RBFOX1: variants seen among roughly 807,000 people sequenced by gnomAD.
RBFOX1 encodes the protein RNA binding protein fox-1 homolog 1.
Under a neutral mutation model 57.7 loss-of-function variants are expected in RBFOX1, and 8 were observed. The observed-to-expected ratio is 0.14, with a 90% CI of 0.08 to 0.25. RBFOX1 has a LOEUF of 0.25. RBFOX1 is among the 10% of genes least tolerant of loss of function. The pLI, the probability that RBFOX1 is intolerant of heterozygous loss-of-function variation, is 1.00. For missense variants in RBFOX1, 611 were observed against 548.5 expected (o/e 1.11, Z -1.14); for synonymous variants, 326 against 222.4 (o/e 1.47, Z -4.15).
At chr16:7,492,476 C>T (rs2067241336) in intron 4 of RBFOX1, among the ~76,000 whole-genome samples, 1 of 152,016 alleles carries the variant, frequency 6.6e-6, no homozygotes, top group Non-Finnish European at 1.5e-5. Context: ...TGTCACCTAC[C>T]CTAGAACTGT....
chr16:5,425,003 CT>C (rs1322286070), intron 1 of RBFOX1, among the ~76,000 whole-genome samples: 11 of 66,676 alleles, frequency 1.6e-4, no homozygotes, highest in South Asian at 5.0e-4. Flanking sequence ...CTTTTCTTTT[CT>C]TTTCTTTTCT....
At chr16:6,398,289 C>T (rs541711560) in intron 2 of RBFOX1, among the ~76,000 whole-genome samples, 12 of 152,210 alleles carry the variant, frequency 7.9e-5, no homozygotes, top group South Asian at 4.1e-4. Context: ...ATAGCCAAAG[C>T]ATATCATTCT....
intron 3 of RBFOX1, among the ~76,000 whole-genome samples, chr16:6,700,472 A>G (rs2061662739): frequency 6.6e-6 from 1 of 152,080 alleles, no homozygotes; most frequent in African/African-American, 2.4e-5. Context: ...AGCCTAGCCA[A>G]CATGGTGAAA....
intron 3 of RBFOX1, among the ~76,000 whole-genome samples, chr16:6,893,538 C>G (rs2066024665): frequency 6.6e-6 from 1 of 152,118 alleles, no homozygotes; most frequent in Non-Finnish European, 1.5e-5. Context: ...AAGTGGAGTT[C>G]TGAATCAAAC....
At chr16:7,673,103 G>A (rs2072097176) in intron 13 of RBFOX1, among the ~76,000 whole-genome samples, 1 of 151,950 alleles carries the variant, frequency 6.6e-6, no homozygotes, top group Non-Finnish European at 1.5e-5. Flanking sequence ...AAGGAAGCAT[G>A]CGTAACACGT....
chr16:7,278,390 T>C (rs898520372), intron 4 of RBFOX1, among the ~76,000 whole-genome samples: 2 of 152,212 alleles, frequency 1.3e-5, no homozygotes, highest in African/African-American at 2.4e-5. Context: ...AAGATTCCTA[T>C]GTATATCTGA....
intron 1 of RBFOX1, among the ~76,000 whole-genome samples, chr16:5,355,402 G>C (rs191725812): frequency 1.3e-5 from 2 of 152,156 alleles, no homozygotes; most frequent in Non-Finnish European, 2.9e-5. Flanking sequence ...TGTCTGCATC[G>C]TGAAGCCTGA....
intron 1 of RBFOX1, among the ~76,000 whole-genome samples, chr16:6,271,647 G>T (rs1424414421): frequency 1.3e-5 from 2 of 152,110 alleles, no homozygotes; most frequent in Non-Finnish European, 1.5e-5. Context: ...ATGTCAAAAA[G>T]GTAGTAAGGG....
intron 4 of RBFOX1, among the ~76,000 whole-genome samples, chr16:5,974,182 C>G (rs893429089): frequency 2.0e-5 from 3 of 152,194 alleles, no homozygotes; most frequent in African/African-American, 7.2e-5. Flanking sequence ...GCAGGCAATG[C>G]CAGATCCAAT....
chr16:7,071,197 G>T (rs1011353785), intron 4 of RBFOX1, among the ~76,000 whole-genome samples: 7 of 152,092 alleles, frequency 4.6e-5, no homozygotes, highest in Non-Finnish European at 1.0e-4. Flanking sequence ...TATCACAGAG[G>T]AATTAGATTA....
chr16:6,597,296 A>G (rs963489019), intron 2 of RBFOX1, among the ~76,000 whole-genome samples: 1 of 152,038 alleles, frequency 6.6e-6, no homozygotes, highest in African/African-American at 2.4e-5. Flanking sequence ...TTATACCCTA[A>G]AGCCATCTGA....
intron 4 of RBFOX1, among the ~76,000 whole-genome samples, chr16:7,455,543 G>C (rs2058325412): frequency 6.6e-6 from 1 of 151,900 alleles, no homozygotes; most frequent in Admixed American, 6.6e-5. Context: ...TGTAATCCTA[G>C]CACATTGAGA....
chr16:5,987,230 CTTTG>C (rs1270659291), intron 4 of RBFOX1, among the ~76,000 whole-genome samples: 11 of 151,774 alleles, frequency 7.2e-5, no homozygotes, highest in South Asian at 2.1e-4. Context: ...TGGTTTTTTT[CTTTG>C]TTTATTACTG....
At chr16:6,021,565 G>C (rs750603251) in intron 1 of RBFOX1, among the ~76,000 whole-genome samples, 2 of 152,170 alleles carry the variant, frequency 1.3e-5, no homozygotes, top group Non-Finnish European at 2.9e-5. Context: ...CTTTGAGCTC[G>C]TCAGGGAGGC....
At chr16:7,240,867 G>C (rs917155646) in intron 4 of RBFOX1, among the ~76,000 whole-genome samples, 2 of 152,162 alleles carry the variant, frequency 1.3e-5, no homozygotes, top group Non-Finnish European at 2.9e-5. Context: ...GCTGCACCTG[G>C]CAAAATATTG....
At chr16:5,685,076 G>A (rs2050464173) in intron 3 of RBFOX1, among the ~76,000 whole-genome samples, 1 of 152,110 alleles carries the variant, frequency 6.6e-6, no homozygotes, top group Non-Finnish European at 1.5e-5. Flanking sequence ...AGATGAATTG[G>A]TCTCATAAGC....
intron 2 of RBFOX1, among the ~76,000 whole-genome samples, chr16:6,564,678 C>A (rs1386252510): frequency 6.6e-6 from 1 of 152,064 alleles, no homozygotes; most frequent in African/African-American, 2.4e-5. Context: ...TCAAAACACA[C>A]AAATTTCAGT....
At chr16:6,487,722 T>A (rs1315103051) in intron 2 of RBFOX1, among the ~76,000 whole-genome samples, 5 of 17,752 alleles carry the variant, frequency 2.8e-4, no homozygotes, top group African/African-American at 7.0e-4. Flanking sequence ...TATATATATA[T>A]ATATATATAT....
rs145949450 is a variant in RBFOX1, at chr16:5,311,197, T to G, written c.219+71092T>G. Among the ~76,000 whole-genome samples the G allele has an allele frequency of 2.4e-3, 364 of 152,326 alleles. 1 individual carries two copies. The highest frequency in any genetic ancestry group is 8.3e-3 in the African/African-American group (343 of 41,568). On this transcript the variant is annotated intron_variant, in intron 1 of 2. Transcript: ENST00000585867. The stretch of plus-strand genomic sequence containing the variant: ...CATTCTTTTTTATGGCTGAGTAGTA[T>G]TCCACGGTATGTTTGTATGTATGTA...
Sources: gnomAD v4.1 joint callset for allele counts (sites outside exome capture counted in the v4.1 genomes callset) on GRCh38, gnomAD v4.1.1 for gene constraint, MANE v1.5 for transcripts, NCBI Gene and HGNC (gene_info 2026-07-23, HGNC 2026-07-21) for gene names.